Variants in RLIM observed in about 807,000 individuals in gnomAD.
The protein encoded by RLIM is ring finger protein, LIM domain interacting.
A neutral mutation model predicts 34.0 loss-of-function variants in RLIM; 2 were observed. That is an observed-to-expected ratio of 0.06 (90% CI 0.02 to 0.19). RLIM has a LOEUF of 0.19. Ranked by LOEUF, RLIM falls within the 10% of genes least tolerant of loss-of-function variation. RLIM has a pLI of 1.00. For missense variants in RLIM, 286 were observed against 479.7 expected, an observed-to-expected ratio of 0.60 and a Z score of 3.77; for synonymous variants, 169 against 164.0, an observed-to-expected ratio of 1.03 and a Z score of -0.23.
chrX:74,602,498 G>A (rs1452704515), intron 1 of RLIM, among the ~76,000 whole-genome samples: 2 of 111,457 alleles, frequency 1.8e-5, no homozygotes, highest in Admixed American at 9.6e-5. Flanking sequence ...TTGGGATGCC[G>A]AGTTGGGCGG....
In RLIM at chrX:74,614,568, T is replaced by C. The variant is rs1185194651; in HGVS notation, c.-170A>G. 3 of 112,202 alleles carry C rather than the reference T, an allele frequency of 2.7e-5. No homozygotes were observed. Among genetic ancestry groups the C allele is most frequent in the African/African-American group, 9.7e-5 (3 of 30,835 alleles). 9.2% of individuals were successfully genotyped at this position (112,202 alleles called of 1,213,427 possible). ...TAGCCCAGCGCCTGCTCGGAGACGT[T>C]GCTCAGGCAGCCATTATCTTCCCCA... On this transcript the variant is annotated 5_prime_UTR_variant, in exon 1 of 4. Coordinates refer to ENST00000332687, the MANE Select transcript of RLIM (RefSeq NM_016120.4).
intron 1 of RLIM, among the ~76,000 whole-genome samples, chrX:74,611,375 A>G (rs1301865529): frequency 1.8e-5 from 2 of 112,160 alleles, no homozygotes; most frequent in African/African-American, 6.5e-5. Flanking sequence ...GGCTCACTAC[A>G]TGTTCACTAA....
At position 74,587,011 on chromosome X, in the gene RLIM, AG is replaced by A. The variant is rs1358279660; in HGVS notation, c.*4428del. 2.7e-5 allele frequency: 3 copies of A among 111,571 alleles called. No individual in the cohort carries two copies. The highest frequency in any genetic ancestry group is 3.7e-4 in the South Asian group (1 of 2,696). 9.2% of individuals were successfully genotyped at this position (111,571 alleles called of 1,213,427 possible). On this transcript the variant is annotated 3_prime_UTR_variant, in exon 4 of 4. Coordinates refer to ENST00000332687, the MANE Select transcript of RLIM (RefSeq NM_016120.4). ...TGAGGTGGGAGAATCACCTGAGCCCAGGAAGTCAAGGCTGCAGTGAGCTGTG... is the reference window on the plus strand; with the variant it reads ...TGAGGTGGGAGAATCACCTGAGCCCAGAAGTCAAGGCTGCAGTGAGCTGTG...
At position 74,583,679 on chromosome X, in the gene RLIM, T is replaced by A. The variant is rs1931275125; in HGVS notation, c.*7761A>T. The A allele has an allele frequency of 5.3e-6, 2 of 373,972 alleles. No homozygotes were observed. The highest frequency in any genetic ancestry group is 2.5e-5 in the African/African-American group (1 of 39,529). The allele number at this position is 373,972 out of a possible 1,213,427, so 30.8% of individuals were successfully genotyped here. ...GTTCATGTTATTCATAGTGCTAAGG[T>A]GTATCTGGTAATGCCCAGTGCTTTA... On this transcript the variant is annotated 3_prime_UTR_variant, in exon 4 of 4. Coordinates refer to ENST00000332687, the MANE Select transcript of RLIM (RefSeq NM_016120.4).
Position 74,595,961 on chromosome X carries a change from G to A in RLIM, c.17C>T (p.Ser6Phe), listed in dbSNP as rs774602262. The A allele has an allele frequency of 4.0e-5, 47 of 1,182,034 alleles. No individual in the cohort carries two copies. The South Asian group carries it at 8.6e-4, about 22-fold the overall frequency. The stretch of plus-strand genomic sequence containing the variant: ...CTGATCACCACTTCCTTTGTCATTG[G>A]AATCTGAGTTTTCCATATTGATGAA... The part of the protein sequence containing the change: MENSD[S>F]NDKGSGDQSA... Residue 6 changes from serine (S) to phenylalanine (F), a missense_variant, in exon 2 of 4, where the codon TCC becomes TTC. Ser to Phe is a radical substitution (Grantham distance 155, BLOSUM62 -2). Transcript: ENST00000332687.
intron 3 of RLIM, among the ~76,000 whole-genome samples, chrX:74,594,045 AAAAC>A (rs200188312): frequency 0.01 from 1,157 of 112,358 alleles, 19 homozygotes; most frequent in African/African-American, 0.035. Context: ...ATGGAGGTGA[AAAAC>A]AAACAAACAA....
rs1250140205 is a variant in RLIM at position 74,592,310 on chromosome X, C to T, written c.1005G>A (p.Gln335=). The change falls in exon 4 of 4, where the codon CAG becomes CAA. Residue 335 remains glutamine, a synonymous_variant. Transcript: ENST00000332687. The part of the protein sequence containing the change: ...VRRVRPGEYR[Q]RDSIASRTRS... Reference sequence around the variant, plus strand: ...GAGTTCTGCTGGCTATGCTATCTCTCTGCCGATATTCTCCAGGACGAACTC... The same window carrying T: ...GAGTTCTGCTGGCTATGCTATCTCTTTGCCGATATTCTCCAGGACGAACTC... 8.3e-6 allele frequency: 10 copies of T among 1,209,791 alleles called. No homozygotes were observed. The highest frequency in any genetic ancestry group is 8.9e-6 in the Non-Finnish European group (8 of 895,281).
At position 74,588,272 on chromosome X, in the gene RLIM, C is replaced by T. The variant is rs1476693006; in HGVS notation, c.*3168G>A. 9.0e-6 allele frequency: 1 copy of T among 111,226 alleles called. No homozygotes were observed. The highest frequency in any genetic ancestry group is 1.9e-5 in the Non-Finnish European group (1 of 53,084). 9.2% of individuals were successfully genotyped at this position (111,226 alleles called of 1,213,427 possible). A position where few individuals can be genotyped will look rare whatever the true frequency, so the allele number is the denominator to read the frequency against. On this transcript the variant is annotated 3_prime_UTR_variant, in exon 4 of 4. Coordinates refer to ENST00000332687, the MANE Select transcript of RLIM (RefSeq NM_016120.4). The stretch of plus-strand genomic sequence containing the variant: ...ATCACTTGAGGTCAGGAGTTCAAGA[C>T]CAGCCTGGCCAACACGGTGAAGTCC...
intron 2 of RLIM, among the ~76,000 whole-genome samples, chrX:74,594,976 C>T (rs1026693963): frequency 1.8e-5 from 2 of 109,477 alleles, no homozygotes; most frequent in African/African-American, 3.3e-5. Flanking sequence ...AGTGCCAGCT[C>T]GTTGGGAGAC....
intron 1 of RLIM, among the ~76,000 whole-genome samples, chrX:74,609,486 T>TAAAA (rs1569313792): frequency 6.1e-5 from 1 of 16,508 alleles, no homozygotes; most frequent in African/African-American, 2.9e-4. Context: ...AGACTCCGTT[T>TAAAA]CAAAAAAAAA....
chrX:74,592,538 C>T lies in RLIM; in HGVS notation c.777G>A (p.Thr259=), dbSNP rs148132680. The stretch of plus-strand genomic sequence containing the variant: ...GGTGCCGGGTTCTAGAACTTCCCTC[C>T]GTCTCATTTACCAAAGGATGTTCAA... ...QTFEHPLVNE[T]EGSSRTRHHV... is the part of the protein sequence containing the mutation. Residue 259 remains threonine, a synonymous_variant, in exon 4 of 4, where the codon ACG becomes ACA. Transcript: ENST00000332687. 7,636 of 1,210,017 alleles carry T rather than the reference C, an allele frequency of 6.3e-3. 25 individuals are homozygous for T. The highest frequency in any genetic ancestry group is 8.7e-3 in the Middle Eastern group (38 of 4,347).
At chrX:74,609,487 CA>C (rs752008137) in intron 1 of RLIM, among the ~76,000 whole-genome samples, 910 of 32,566 alleles carry the variant, frequency 0.028, no homozygotes, top group African/African-American at 0.068. Context: ...GACTCCGTTT[CA>C]AAAAAAAAAA....
rs1569308974 is a variant in RLIM at position 74,589,252 on chromosome X, T to C, written c.*2188A>G. The C allele has an allele frequency of 9.0e-6, 1 of 111,427 alleles. No individual in the cohort carries two copies. Among genetic ancestry groups the C allele is most frequent in the Non-Finnish European group, 1.9e-5 (1 of 53,091 alleles). The allele number at this position is 111,427 out of a possible 1,213,427, so 9.2% of individuals were successfully genotyped here. A position where few individuals can be genotyped will look rare whatever the true frequency, so the allele number is the denominator to read the frequency against. The stretch of plus-strand genomic sequence containing the variant: ...TTTAAAATGAACACCCCTATAATAA[T>C]GAAACACTTTATGCCAAGAAGAAAA... On this transcript the variant is annotated 3_prime_UTR_variant, in exon 4 of 4. Transcript: ENST00000332687.
chrX:74,613,534 A>G (rs1042445304), intron 1 of RLIM, among the ~76,000 whole-genome samples: 18 of 110,245 alleles, frequency 1.6e-4, no homozygotes, highest in African/African-American at 4.6e-4. Context: ...TAAGGGAAAA[A>G]GGGACCGAGT....
chrX:74,604,857 T>C (rs1217484813), intron 1 of RLIM, among the ~76,000 whole-genome samples: 1 of 111,306 alleles, frequency 9.0e-6, no homozygotes, highest in Non-Finnish European at 1.9e-5. Context: ...CAAATCCAAA[T>C]CACTACCTCT....
rs779639087 is a variant in RLIM, at chrX:74,590,204, A to AT, written c.*1235dup. 474 of 111,312 alleles carry AT rather than the reference A, an allele frequency of 4.3e-3. 4 individuals are homozygous for AT. Among genetic ancestry groups the AT allele is most frequent in the African/African-American group, 0.014 (435 of 30,633 alleles). The allele number at this position is 111,312 out of a possible 1,213,427, so 9.2% of individuals were successfully genotyped here. ...AGTGGTTTTATAGTCTCTTTCCTCC[A>AT]TTTTTTCATTTTTGAGGAGCAGACT... On this transcript the variant is annotated 3_prime_UTR_variant, in exon 4 of 4. Coordinates refer to ENST00000332687, the MANE Select transcript of RLIM (RefSeq NM_016120.4).
In RLIM at chrX:74,583,889, T is replaced by C. The variant is rs1238236329; in HGVS notation, c.*7551A>G. Among the ~76,000 whole-genome samples, 1 of 109,924 alleles carries C rather than the reference T, an allele frequency of 9.1e-6. No homozygotes were observed. Among genetic ancestry groups the C allele is most frequent in the East Asian group, 2.9e-4 (1 of 3,483 alleles). ...GGTGAAACCCTGTCTCTACTAAAAA[T>C]AGAAAAATTAGCTGGGCGTGGTGGC... On this transcript the variant is annotated 3_prime_UTR_variant, in exon 4 of 4. Transcript: ENST00000332687.
intron 1 of RLIM, among the ~76,000 whole-genome samples, chrX:74,597,070 G>C (rs760661398): frequency 8.0e-5 from 9 of 111,945 alleles, no homozygotes; most frequent in Non-Finnish European, 1.1e-4. Flanking sequence ...AGTTCAAAAA[G>C]TTAGAAAATT....
At chrX:74,593,163 C>G in intron 3 of RLIM, 102 bp from the exon 4 acceptor site, 1 of 845,199 alleles carries the variant, frequency 1.2e-6, no homozygotes, top group Non-Finnish European at 1.6e-6. Flanking sequence ...CTTAAAAATT[C>G]GGAACACATT....
Sources: gnomAD v4.1 joint callset for allele counts (sites outside exome capture counted in the v4.1 genomes callset) on GRCh38, gnomAD v4.1.1 for gene constraint, MANE v1.5 for transcripts, NCBI Gene and HGNC (gene_info 2026-07-23, HGNC 2026-07-21) for gene names.